The following LINGO2 variants were observed in gnomAD, a reference collection of about 807,000 sequenced individuals.
The protein encoded by LINGO2 is leucine rich repeat and Ig domain containing 2, also known as leucine-rich repeat and immunoglobulin-like domain-containing nogo receptor-interacting protein 2.
In LINGO2, 14 loss-of-function variants were observed where a neutral mutation model predicts 30.6. The observed-to-expected ratio is 0.46, with a 90% CI of 0.30 to 0.72. LINGO2 has a LOEUF of 0.72. Ranked by LOEUF, LINGO2 falls within the 30% of genes least tolerant of loss-of-function variation. The probability of loss-of-function intolerance (pLI) is 0.07; values close to 1 mark genes in which losing one functional copy is unlikely to be tolerated. For missense variants in LINGO2, 729 were observed against 751.7 expected, an observed-to-expected ratio of 0.97 and a Z score of 0.35; for synonymous variants, 317 against 288.5, an observed-to-expected ratio of 1.10 and a Z score of -1.00.
At chr9:28,566,746 C>T (rs1587876790) in intron 1 of LINGO2, among the ~76,000 whole-genome samples, 1 of 152,166 alleles carries the variant, frequency 6.6e-6, no homozygotes, top group South Asian at 2.1e-4. Context: ...ATGCTTTGCA[C>T]TGCTTTTAAC....
At chr9:29,206,189 ATTTC>A in the LINGO2 span, among the ~76,000 whole-genome samples, 1 of 152,128 alleles carries the variant, frequency 6.6e-6, no homozygotes, top group African/African-American at 2.4e-5. Flanking sequence ...CAAGTTGTCT[ATTTC>A]TTCTTGTGTG....
the LINGO2 span, among the ~76,000 whole-genome samples, chr9:28,907,744 G>A: frequency 1.3e-5 from 2 of 151,686 alleles, no homozygotes; most frequent in African/African-American, 4.8e-5. Context: ...AGAAAATGAA[G>A]CAGAGATGCA....
chr9:28,107,070 C>T (rs769214832), intron 4 of LINGO2, among the ~76,000 whole-genome samples: 23 of 152,206 alleles, frequency 1.5e-4, no homozygotes, highest in Admixed American at 2.6e-4. Flanking sequence ...CTTTGTTTTT[C>T]GGATCTCACT....
At chr9:28,860,234 T>C in the LINGO2 span, among the ~76,000 whole-genome samples, 4 of 152,114 alleles carry the variant, frequency 2.6e-5, no homozygotes, top group African/African-American at 9.7e-5. Context: ...GACTGCACCA[T>C]AGTGCCCAGA....
chr9:28,135,211 A>C (rs1231582565), intron 4 of LINGO2, among the ~76,000 whole-genome samples: 1 of 152,224 alleles, frequency 6.6e-6, no homozygotes, highest in Non-Finnish European at 1.5e-5. Context: ...GCTTAAATAA[A>C]TACATGAAGT....
the LINGO2 span, among the ~76,000 whole-genome samples, chr9:28,817,237 T>TA: frequency 0.037 from 5,460 of 148,362 alleles, 332 homozygotes; most frequent in African/African-American, 0.13. Context: ...TGACTTAAGA[T>TA]AAAAAAAAAA....
At chr9:28,399,222 A>C (rs1822167642) in intron 2 of LINGO2, among the ~76,000 whole-genome samples, 1 of 152,202 alleles carries the variant, frequency 6.6e-6, no homozygotes, top group Admixed American at 6.5e-5. Flanking sequence ...TAGACTAGCA[A>C]ACCTTTCTTC....
chr9:29,191,021 A>C, the LINGO2 span, among the ~76,000 whole-genome samples: 1 of 152,208 alleles, frequency 6.6e-6, no homozygotes, highest in African/African-American at 2.4e-5. Flanking sequence ...CAATGTAATA[A>C]GAGATTCTAA....
the LINGO2 span, among the ~76,000 whole-genome samples, chr9:28,806,840 T>A: frequency 2.6e-4 from 39 of 152,182 alleles, no homozygotes; most frequent in Admixed American, 5.2e-4. Flanking sequence ...AAAGTCCTTT[T>A]CCCTCAGATA....
chr9:28,710,576 T>A, the LINGO2 span, among the ~76,000 whole-genome samples: 1 of 151,424 alleles, frequency 6.6e-6, no homozygotes, highest in Non-Finnish European at 1.5e-5. Flanking sequence ...TTTGTGCAAA[T>A]ACTTGTTCAG....
chr9:29,003,054 C>T, the LINGO2 span, among the ~76,000 whole-genome samples: 12 of 151,976 alleles, frequency 7.9e-5, no homozygotes, highest in East Asian at 3.9e-4. Context: ...CGTGAAAATA[C>T]GGATAGAAAA....
intron 4 of LINGO2, among the ~76,000 whole-genome samples, chr9:28,190,455 G>T (rs1240448212): frequency 6.6e-6 from 1 of 152,062 alleles, no homozygotes; most frequent in Non-Finnish European, 1.5e-5. Flanking sequence ...AGGAGGTGGG[G>T]CCATTGAGAT....
At chr9:28,847,495 A>G in the LINGO2 span, among the ~76,000 whole-genome samples, 3 of 146,778 alleles carry the variant, frequency 2.0e-5, no homozygotes, top group Admixed American at 6.8e-5. Flanking sequence ...TGTTATGATC[A>G]TGTCTTTTCT....
chr9:28,356,347 C>T (rs1820208635), intron 3 of LINGO2, among the ~76,000 whole-genome samples: 1 of 152,036 alleles, frequency 6.6e-6, no homozygotes, highest in Non-Finnish European at 1.5e-5. Context: ...AGACCCATAC[C>T]CATGAGATAT....
chr9:28,957,843 A>G, the LINGO2 span, among the ~76,000 whole-genome samples: 1 of 152,232 alleles, frequency 6.6e-6, no homozygotes, highest in Non-Finnish European at 1.5e-5. Flanking sequence ...AGTAAAATAG[A>G]GACAATAAGA....
intron 3 of LINGO2, among the ~76,000 whole-genome samples, chr9:28,316,633 C>T (rs752607409): frequency 3.0e-4 from 45 of 152,034 alleles, no homozygotes; most frequent in Non-Finnish European, 4.4e-4. Flanking sequence ...AGAGAGGAAC[C>T]GGCATTTGAA....
intron 4 of LINGO2, among the ~76,000 whole-genome samples, chr9:28,084,308 A>G (rs1207592415): frequency 1.3e-5 from 2 of 152,124 alleles, no homozygotes; most frequent in Non-Finnish European, 2.9e-5. Flanking sequence ...GTCACTTGGT[A>G]TCTATTATGC....
chr9:28,380,610 G>A lies in LINGO2; in HGVS notation c.-278-7742C>T, dbSNP rs549969966. Among the ~76,000 whole-genome samples, 14 of 152,104 alleles carry A rather than the reference G, an allele frequency of 9.2e-5. No homozygotes were observed. The South Asian group carries it at 2.3e-3, about 25-fold the overall frequency. ...GTACAGTATAGATGTCTGGAAAGATGAGAAACACCATATCGTGGAGGTCAT... is the reference window on the plus strand; with the variant it reads ...GTACAGTATAGATGTCTGGAAAGATAAGAAACACCATATCGTGGAGGTCAT... On this transcript the variant is annotated intron_variant, in intron 2 of 5. Transcript: ENST00000379992.
At chr9:28,611,828 TA>T (rs1339843221) in intron 1 of LINGO2, among the ~76,000 whole-genome samples, 1 of 151,680 alleles carries the variant, frequency 6.6e-6, no homozygotes, top group African/African-American at 2.4e-5. Flanking sequence ...TTTATTTATT[TA>T]TTTTTTTTTG....
Sources: gnomAD v4.1 joint callset for allele counts (sites outside exome capture counted in the v4.1 genomes callset) on GRCh38, gnomAD v4.1.1 for gene constraint, MANE v1.5 for transcripts, NCBI Gene and HGNC (gene_info 2026-07-23, HGNC 2026-07-21) for gene names.